IRX4: variants seen among roughly 807,000 people sequenced by gnomAD.
IRX4 encodes the protein iroquois-class homeodomain protein IRX-4.
IRX4 carries 22 observed loss-of-function variants against 32.0 expected under a neutral mutation model. The observed-to-expected ratio is 0.69, with a 90% CI of 0.49 to 0.98. The LOEUF (loss-of-function observed/expected upper bound fraction) is 0.98, where lower values mean the gene tolerates loss of function less well. Among genes scored for constraint, IRX4 ranks in the 50% least tolerant of loss-of-function variants. IRX4 has a pLI of 0.00. For synonymous variants in IRX4, 379 were observed against 351.7 expected, an observed-to-expected ratio of 1.08 and a Z score of -0.87; for missense variants, 840 against 744.2, an observed-to-expected ratio of 1.13 and a Z score of -1.50.
Position 1,882,619 on chromosome 5 carries a change from T to C in IRX4, c.29A>G (p.Tyr10Cys). ...TCCGCTTACCTGGGGAGCCGAGGAGTAGGGGTATCCAAACTGCGGGTAGGA... is the reference window on the plus strand; with the variant it reads ...TCCGCTTACCTGGGGAGCCGAGGAGCAGGGGTATCCAAACTGCGGGTAGGA... Reference protein sequence around the residue: MSYPQFGYPYSSAPQFLMAT... With the variant: MSYPQFGYPCSSAPQFLMAT... The change falls in exon 1 of 5, where the codon TAC (tyrosine) becomes TGC (cysteine). Residue 10 changes from tyrosine (Y) to cysteine (C), a missense_variant. By Grantham distance (194) the Tyr-to-Cys change is radical. Around this residue, in one of 3 missense-constraint regions of IRX4, gnomAD observed 241 missense variants for 220.8 expected, o/e 1.09. Transcript: ENST00000231357. 1 of 1,445,298 alleles carries C rather than the reference T, an allele frequency of 6.9e-7. No individual in the cohort carries two copies. Among genetic ancestry groups the C allele is most frequent in the Non-Finnish European group, 9.1e-7 (1 of 1,103,092 alleles). The allele number at this position is 1,445,298 out of a possible 1,614,324, so 89.5% of individuals were successfully genotyped here. A position where few individuals can be genotyped will look rare whatever the true frequency, so the allele number is the denominator to read the frequency against.
At chr5:1,883,418 GT>G (rs1735524494), upstream of IRX4, among the ~76,000 whole-genome samples, 2 of 151,948 alleles carry the variant, frequency 1.3e-5, no homozygotes, top group Admixed American at 1.3e-4. Context: ...CCCCGCACGC[GT>G]CTCGTCACTA....
chr5:1,881,552 T>A (rs1735438830), intron 2 of IRX4, among the ~76,000 whole-genome samples: 1 of 150,412 alleles, frequency 6.6e-6, no homozygotes, highest in Non-Finnish European at 1.5e-5. Flanking sequence ...GCAGACCGAA[T>A]CTGCCAGCTG....
In IRX4 at chr5:1,878,357, G is replaced by A. The variant is rs1175075312; in HGVS notation, c.1172C>T (p.Pro391Leu). The change falls in exon 5 of 5, where the codon CCG becomes CTG. Residue 391 changes from proline to leucine, a missense_variant. By Grantham distance (98) the Pro-to-Leu change is moderately conservative (BLOSUM62 -3). Transcript: ENST00000231357. ...ACCTTGGCGCTTGAGCATGCACGAC[G>A]GAAACTCAGTCTGGCTCAGGGAGGT... is the stretch of plus-strand genomic sequence containing the variant. ...AATSLSQTEF[P>L]SCMLKRQGPA... 21 of 1,539,668 alleles carry A rather than the reference G, an allele frequency of 1.4e-5. No individual in the cohort carries two copies. The highest frequency in any genetic ancestry group is 1.4e-5 in the Non-Finnish European group (16 of 1,145,062).
In IRX4 at chr5:1,878,361, A is replaced by G. The variant is rs1395337919; in HGVS notation, c.1168T>C (p.Phe390Leu). The stretch of plus-strand genomic sequence containing the variant: ...TGGCGCTTGAGCATGCACGACGGAA[A>G]CTCAGTCTGGCTCAGGGAGGTGGCG... ...AAATSLSQTE[F>L]PSCMLKRQGP... Residue 390 changes from phenylalanine (F) to leucine (L), a missense_variant, in exon 5 of 5, where the codon TTT becomes CTT. Physicochemically the swap from Phe to Leu is conservative, Grantham distance 22. Around this residue, in one of 3 missense-constraint regions of IRX4, gnomAD observed 585 missense variants for 488.0 expected, o/e 1.20. Transcript: ENST00000231357. The G allele has an allele frequency of 2.0e-6, 3 of 1,538,264 alleles. No homozygotes were observed. The highest frequency in any genetic ancestry group is 2.6e-6 in the Non-Finnish European group (3 of 1,144,462).
chr5:1,884,869 G>A (rs946980174), upstream of IRX4, among the ~76,000 whole-genome samples: 17 of 134,446 alleles, frequency 1.3e-4, no homozygotes, highest in African/African-American at 4.8e-4. Flanking sequence ...ACTCCTTGCA[G>A]TTTTCTGGTT....
At position 1,878,319 on chromosome 5, in the gene IRX4, C is replaced by T; in HGVS notation, c.1210G>A (p.Ala404Thr). The T allele has an allele frequency of 6.4e-7, 1 of 1,565,138 alleles. No individual in the cohort carries two copies. Among genetic ancestry groups the T allele is most frequent in the Non-Finnish European group, 8.6e-7 (1 of 1,156,084 alleles). The change falls in exon 5 of 5, where the codon GCG becomes ACG. Residue 404 changes from alanine to threonine, a missense_variant. Around this residue, in one of 3 missense-constraint regions of IRX4, gnomAD observed 585 missense variants for 488.0 expected, o/e 1.20. Transcript: ENST00000231357. ...MLKRQGPAAPAAVSSAPATSP... is the reference protein window; with the variant it reads ...MLKRQGPAAPTAVSSAPATSP... ...GTGGCGGGCGCGGAGGACACAGCCGCAGGGGCCGCGGGACCTTGGCGCTTG... is the reference window on the plus strand; with the variant it reads ...GTGGCGGGCGCGGAGGACACAGCCGTAGGGGCCGCGGGACCTTGGCGCTTG...
In IRX4 at chr5:1,878,441, T is replaced by A. The variant is rs2111433065; in HGVS notation, c.1088A>T (p.Glu363Val). The part of the protein sequence containing the change: ...FVPAGASAGL[E>V]AKPRIWSLAH... The stretch of plus-strand genomic sequence containing the variant: ...CAGGGACCAGATGCGCGGCTTAGCC[T>A]CCAGGCCTGCCGACGCCCCCGCCGG... Residue 363 changes from glutamate (E) to valine (V), a missense_variant, in exon 5 of 5, where the codon GAG becomes GTG. Glu to Val is a moderately radical substitution (Grantham distance 121). This residue lies in a region of IRX4 where 585 missense variants were observed against 488.0 expected (regional missense o/e 1.20). Transcript: ENST00000231357. 6.8e-7 allele frequency: 1 copy of A among 1,479,260 alleles called. No individual in the cohort carries two copies. Among genetic ancestry groups the A allele is most frequent in the East Asian group, 2.6e-5 (1 of 39,214 alleles). The allele number at this position is 1,479,260 out of a possible 1,614,324, so 91.6% of individuals were successfully genotyped here. A position where few individuals can be genotyped will look rare whatever the true frequency, so the allele number is the denominator to read the frequency against.
Position 1,879,849 on chromosome 5 carries a change from C to G in IRX4, c.408-17G>C. On this transcript the variant is annotated splice_polypyrimidine_tract_variant and intron_variant, in intron 3 of 4. Transcript: ENST00000231357. ...GTTCCATACCTGGAGACAGGCTCTG[C>G]AATGGGCTCAGGCTGGGCCCTCTGG... is the stretch of plus-strand genomic sequence containing the variant. The G allele has an allele frequency of 6.2e-7, 1 of 1,612,922 alleles. No homozygotes were observed.
chr5:1,882,663 G>C lies in IRX4; in HGVS notation c.-16C>G. ...GGTAGGACATGGCGGGCGCGGCCCG[G>C]GGCGGACGGGCGGGGCCTGCAGGGT... On this transcript the variant is annotated 5_prime_UTR_variant, in exon 1 of 5. Coordinates refer to ENST00000231357, the MANE Select transcript of IRX4 (RefSeq NM_016358.3). The C allele has an allele frequency of 7.2e-7, 1 of 1,379,930 alleles. No homozygotes were observed. The highest frequency in any genetic ancestry group is 9.4e-7 in the Non-Finnish European group (1 of 1,065,026). 85.5% of individuals were successfully genotyped at this position (1,379,930 alleles called of 1,614,324 possible). A position where few individuals can be genotyped will look rare whatever the true frequency, so the allele number is the denominator to read the frequency against.
At chr5:1,882,281 T>A (rs1735477144) in intron 1 of IRX4, among the ~76,000 whole-genome samples, 2 of 152,148 alleles carry the variant, frequency 1.3e-5, no homozygotes, top group African/African-American at 4.8e-5. Context: ...CCGGAGGGTT[T>A]CCAAGGCCTC....
chr5:1,880,666 T>C (rs1444961029), intron 3 of IRX4, 59 bp downstream of exon 3: 34 of 1,134,014 alleles, frequency 3.0e-5, no homozygotes, highest in Admixed American at 1.5e-4. Context: ...GGGGAGTTGG[T>C]GGCTGACAGT....
At chr5:1,886,261 C>G (rs555458365), upstream of IRX4, among the ~76,000 whole-genome samples, 5 of 152,362 alleles carry the variant, frequency 3.3e-5, no homozygotes, top group African/African-American at 1.2e-4. Flanking sequence ...ACCAAGAGCT[C>G]GTCCGGAGGG....
At chr5:1,887,069 G>A (rs1735655515), upstream of IRX4, 1 of 151,508 alleles carries the variant, frequency 6.6e-6, no homozygotes, top group African/African-American at 2.4e-5. Context: ...TACCTGCGGT[G>A]GCGCTGGGCC....
chr5:1,887,114 C>T (rs1735657499), upstream of IRX4: 1 of 151,566 alleles, frequency 6.6e-6, no homozygotes, highest in South Asian at 2.1e-4. Context: ...CGCGCGGAAG[C>T]TCGGCGCGCG....
chr5:1,882,202 T>C, intron 1 of IRX4, 143 bp from the exon 2 acceptor site: 1 of 1,022,520 alleles, frequency 9.8e-7, no homozygotes, highest in Non-Finnish European at 1.4e-6. Flanking sequence ...TGCTCGCCCC[T>C]TTCCACTAGC....
At chr5:1,878,893 A>G in intron 4 of IRX4, 101 bp from the exon 5 acceptor site, 1 of 1,273,608 alleles carries the variant, frequency 7.9e-7, no homozygotes, top group East Asian at 2.4e-5. Flanking sequence ...CGACGCTACG[A>G]AAAGCACTCG....
chr5:1,880,056 C>G (rs1157688856), intron 3 of IRX4: 4 of 1,532,480 alleles, frequency 2.6e-6, no homozygotes, highest in Admixed American at 4.0e-5. Context: ...TTATATTTGA[C>G]TAAACTTACA....
intron 4 of IRX4, among the ~76,000 whole-genome samples, chr5:1,879,078 G>GC (rs1735329341): frequency 6.6e-6 from 1 of 151,472 alleles, no homozygotes; most frequent in Admixed American, 6.6e-5. Flanking sequence ...TGCAAACTCC[G>GC]CCTCCAGGGT....
rs761517244 is a variant in IRX4 at position 1,878,197 on chromosome 5, G to C, written c.1332C>G (p.His444Gln). Reference protein sequence around the residue: ...SLRNWVDGVFHDPILRHSTLN... With the variant: ...SLRNWVDGVFQDPILRHSTLN... ...AAGTGCTGTGCCTGAGGATGGGGTC[G>C]TGGAAGACCCCGTCCACCCAGTTTC... is the stretch of plus-strand genomic sequence containing the variant. Residue 444 changes from histidine (H) to glutamine (Q), a missense_variant, in exon 5 of 5, where the codon CAC becomes CAG. His to Gln is a conservative substitution (Grantham distance 24, BLOSUM62 0). Coordinates refer to ENST00000231357, the MANE Select transcript of IRX4 (RefSeq NM_016358.3). 6.3e-7 allele frequency: 1 copy of C among 1,597,146 alleles called. No individual in the cohort carries two copies. The highest frequency in any genetic ancestry group is 8.5e-7 in the Non-Finnish European group (1 of 1,173,280).
Sources: allele counts gnomAD v4.1 joint callset (sites outside exome capture counted in the v4.1 genomes callset), GRCh38; gene constraint gnomAD v4.1.1; regional missense constraint gnomAD v4.1.1; transcripts MANE v1.5; gene names NCBI Gene and HGNC (gene_info 2026-07-23, HGNC 2026-07-21).